The following TRMT11 variants were observed in gnomAD, a reference collection of about 807,000 sequenced individuals.
TRMT11 encodes the protein tRNA methyltransferase 11.
TRMT11 carries 53 observed loss-of-function variants against 62.8 expected under a neutral mutation model. The observed-to-expected ratio is 0.84, with a 90% CI of 0.68 to 1.06. The LOEUF (loss-of-function observed/expected upper bound fraction) is 1.06, where lower values mean the gene tolerates loss of function less well. Ranked by LOEUF, TRMT11 falls within the 50% of genes least tolerant of loss-of-function variation. The pLI is 0.00. For synonymous variants in TRMT11, 188 were observed against 190.3 expected, an observed-to-expected ratio of 0.99 and a Z score of 0.10; for missense variants, 556 against 553.4, an observed-to-expected ratio of 1.00 and a Z score of -0.05.
chr6:126,150,377 A>G (rs1184484197), intron 21 of TRMT11, among the ~76,000 whole-genome samples: 2 of 152,220 alleles, frequency 1.3e-5, no homozygotes, highest in Non-Finnish European at 2.9e-5. Flanking sequence ...AGTTTCAGGG[A>G]TTCTGTTATA....
intron 21 of TRMT11, among the ~76,000 whole-genome samples, chr6:126,167,817 A>T (rs1277168073): frequency 6.6e-6 from 1 of 152,114 alleles, no homozygotes; most frequent in Non-Finnish European, 1.5e-5. Context: ...CACCTCGGAC[A>T]TATGTTTCTG....
chr6:126,130,540 A>G (rs950648968), intron 21 of TRMT11, among the ~76,000 whole-genome samples: 2 of 151,384 alleles, frequency 1.3e-5, no homozygotes, highest in African/African-American at 2.4e-5. Context: ...GAAGAATGTG[A>G]TAATGGATAA....
At chr6:126,207,870 C>T (rs1778804738), downstream of TRMT11, among the ~76,000 whole-genome samples, 3 of 152,108 alleles carry the variant, frequency 2.0e-5, no homozygotes, top group South Asian at 6.2e-4. Context: ...AAAGTGAACT[C>T]AAGCTTAAAA....
chr6:126,230,882 A>G, the TRMT11 span, among the ~76,000 whole-genome samples: 1 of 152,190 alleles, frequency 6.6e-6, no homozygotes, highest in Non-Finnish European at 1.5e-5. Flanking sequence ...ACTTCTAATC[A>G]TGAGTTAATA....
chr6:126,153,368 G>A (rs1487582641), intron 21 of TRMT11, among the ~76,000 whole-genome samples: 1 of 152,140 alleles, frequency 6.6e-6, no homozygotes, highest in African/African-American at 2.4e-5. Flanking sequence ...AAACCATTAG[G>A]CAAAATTTGA....
chr6:126,027,227 A>G (rs549583024), intron 12 of TRMT11, among the ~76,000 whole-genome samples: 3 of 152,342 alleles, frequency 2.0e-5, no homozygotes, highest in African/African-American at 7.2e-5. Context: ...TGTATAGGAT[A>G]AAAGGCTGAT....
At chr6:126,122,149 A>G (rs577116409) in intron 21 of TRMT11, among the ~76,000 whole-genome samples, 57 of 151,982 alleles carry the variant, frequency 3.8e-4, no homozygotes, top group Non-Finnish European at 1.5e-4. Flanking sequence ...CTCCCCATTC[A>G]TCTTCTGCCA....
At chr6:126,258,970 C>G in the TRMT11 span, among the ~76,000 whole-genome samples, 23 of 152,126 alleles carry the variant, frequency 1.5e-4, no homozygotes, top group African/African-American at 5.6e-4. Context: ...TCCTCTGCCT[C>G]CTCCCACCCT....
chr6:126,015,217 A>T (rs920607412), intron 11 of TRMT11, among the ~76,000 whole-genome samples: 2 of 151,916 alleles, frequency 1.3e-5, no homozygotes, highest in African/African-American at 2.4e-5. Flanking sequence ...ACTCCTGCAC[A>T]TATCTATTAT....
chr6:126,012,870 A>C lies in TRMT11; in HGVS notation c.1007+18A>C. On this transcript the variant is annotated intron_variant, in intron 10 of 12. Transcript: ENST00000334379. ...GAAAAATGGTAAGTGAAATTTAAAT[A>C]TGATGTGTTACTACCTTGAGAAGAG... The C allele has an allele frequency of 6.2e-7, 1 of 1,610,962 alleles. No homozygotes were observed.
At chr6:126,246,432 A>T in the TRMT11 span, among the ~76,000 whole-genome samples, 1 of 152,186 alleles carries the variant, frequency 6.6e-6, no homozygotes, top group Non-Finnish European at 1.5e-5. Flanking sequence ...TGACATCTGG[A>T]TGGAAAAGTA....
intron 1 of TRMT11, among the ~76,000 whole-genome samples, chr6:126,191,464 C>CTTGTTTTTTTTTTTTTT (rs1778598703): frequency 9.8e-6 from 1 of 102,380 alleles, no homozygotes; most frequent in African/African-American, 3.5e-5. Flanking sequence ...TCCTACTTGT[C>CTTGTTTTTTTTTTTTTT]TTTTTTTTTT....
chr6:126,081,329 C>A (rs547807814), intron 17 of TRMT11, among the ~76,000 whole-genome samples: 1 of 152,156 alleles, frequency 6.6e-6, no homozygotes, highest in Non-Finnish European at 1.5e-5. Context: ...GTAGACTTCA[C>A]GCTCTTGAGT....
At chr6:125,997,107 A>G (rs940828326) in intron 3 of TRMT11, among the ~76,000 whole-genome samples, 1 of 152,230 alleles carries the variant, frequency 6.6e-6, no homozygotes, top group African/African-American at 2.4e-5. Context: ...TAATGGCACA[A>G]TTAACAGTTG....
intron 1 of TRMT11, among the ~76,000 whole-genome samples, chr6:126,198,085 T>C (rs1295377190): frequency 6.6e-6 from 1 of 152,214 alleles, no homozygotes; most frequent in Non-Finnish European, 1.5e-5. Context: ...GGGAACATTT[T>C]AGACATAGCT....
chr6:126,023,662 A>C (rs1796152922), intron 12 of TRMT11, among the ~76,000 whole-genome samples: 1 of 151,886 alleles, frequency 6.6e-6, no homozygotes, highest in Non-Finnish European at 1.5e-5. Flanking sequence ...AAACAACAAC[A>C]AAAAAAATAA....
intron 17 of TRMT11, among the ~76,000 whole-genome samples, chr6:126,110,093 T>C (rs932674191): frequency 2.0e-5 from 3 of 152,154 alleles, no homozygotes; most frequent in African/African-American, 7.2e-5. Flanking sequence ...CTTGATGGCA[T>C]GATCAGCTGA....
chr6:126,251,906 T>A, the TRMT11 span, among the ~76,000 whole-genome samples: 1 of 152,184 alleles, frequency 6.6e-6, no homozygotes, highest in African/African-American at 2.4e-5. Context: ...GCAAACATAA[T>A]CTTGAGAAAG....
At chr6:126,225,268 AG>A in the TRMT11 span, among the ~76,000 whole-genome samples, 1 of 152,238 alleles carries the variant, frequency 6.6e-6, no homozygotes, top group South Asian at 2.1e-4. Context: ...TCAAATGACC[AG>A]GGGGTTTATG....
Sources: gnomAD v4.1 joint callset for allele counts (sites outside exome capture counted in the v4.1 genomes callset) on GRCh38, gnomAD v4.1.1 for gene constraint, MANE v1.5 for transcripts, NCBI Gene and HGNC (gene_info 2026-07-23, HGNC 2026-07-21) for gene names.